PRPH2: variants seen among roughly 807,000 people sequenced by gnomAD.
PRPH2 encodes the protein peripherin 2.
Under a neutral mutation model 31.3 loss-of-function variants are expected in PRPH2, and 17 were observed. The ratio of observed to expected loss-of-function variants is 0.54; its 90% CI spans 0.37 to 0.81. The LOEUF is 0.81. PRPH2 is among the 40% of genes least tolerant of loss of function. PRPH2 has a pLI of 0.00. For missense variants in PRPH2, 430 were observed against 439.7 expected, an observed-to-expected ratio of 0.98 and a Z score of 0.20; for synonymous variants, 165 against 184.4, an observed-to-expected ratio of 0.89 and a Z score of 0.85.
chr6:42,715,980 A>G (rs1001911411), intron 1 of PRPH2, among the ~76,000 whole-genome samples: 1 of 152,208 alleles, frequency 6.6e-6, no homozygotes, highest in African/African-American at 2.4e-5. Flanking sequence ...GAGGACCTCA[A>G]CTTTCTCTAG....
intron 1 of PRPH2, among the ~76,000 whole-genome samples, chr6:42,716,961 T>TA (rs1761798227): frequency 2.1e-5 from 2 of 93,562 alleles, no homozygotes; most frequent in Admixed American, 1.3e-4. Context: ...TTCTTTCTTT[T>TA]CTTTTTTTTT....
intron 1 of PRPH2, among the ~76,000 whole-genome samples, chr6:42,720,707 GA>G (rs1163716624): frequency 4.6e-5 from 7 of 151,180 alleles, no homozygotes; most frequent in Non-Finnish European, 7.4e-5. Flanking sequence ...TCACTGGGAA[GA>G]AAAAAAAACC....
chr6:42,704,391 C>G lies in PRPH2; in HGVS notation c.802G>C (p.Val268Leu), dbSNP rs62645936. The G allele has an allele frequency of 4.3e-6, 7 of 1,609,430 alleles. No individual in the cohort carries two copies. In the Admixed American group the frequency reaches 5.1e-5, roughly 12 times the overall value. ...TCGAAGAGCCAAATGAGGAGCGTGA[C>G]GACACCCATGGAGTTCATGAGGCTG... ...YSSLMNSMGV[V>L]TLLIWLFEVT... The change falls in exon 2 of 3, where the codon GTC (valine) becomes CTC (leucine). Residue 268 changes from valine (V) to leucine (L), a missense_variant. Val to Leu is a conservative substitution (Grantham distance 32). Transcript: ENST00000230381.
intron 1 of PRPH2, among the ~76,000 whole-genome samples, chr6:42,714,557 C>T (rs1295108421): frequency 6.6e-6 from 1 of 152,178 alleles, no homozygotes; most frequent in Non-Finnish European, 1.5e-5. Flanking sequence ...CACTCTGCTG[C>T]CCAGGCTGGA....
intron 1 of PRPH2, among the ~76,000 whole-genome samples, chr6:42,708,265 G>A (rs1330059623): frequency 6.6e-6 from 1 of 152,192 alleles, no homozygotes; most frequent in Non-Finnish European, 1.5e-5. Context: ...AGGATCGTGC[G>A]GGCCACCCTC....
Position 42,704,564 on chromosome 6 carries a change from G to C in PRPH2, c.629C>G (p.Pro210Arg), listed in dbSNP as rs61755798. Reference protein sequence around the residue: ...VDGRYLVDGVPFSCCNPSSPR... With the variant: ...VDGRYLVDGVRFSCCNPSSPR... ...CGAGCTAGGATTGCAGCAGCTGAAA[G>C]GGACGCCGTCCACCAGGTACCGCCC... Residue 210 changes from proline to arginine, a missense_variant, in exon 2 of 3, where the codon CCT becomes CGT. By Grantham distance (103) the Pro-to-Arg change is moderately radical. Transcript: ENST00000230381. 1.2e-6 allele frequency: 2 copies of C among 1,614,186 alleles called. No individual in the cohort carries two copies. Among genetic ancestry groups the C allele is most frequent in the Non-Finnish European group, 1.7e-6 (2 of 1,180,034 alleles).
chr6:42,702,384 G>A (rs1221367620), intron 2 of PRPH2, among the ~76,000 whole-genome samples: 2 of 151,840 alleles, frequency 1.3e-5, no homozygotes, highest in African/African-American at 4.8e-5. Flanking sequence ...GAATCTTTGG[G>A]AATCTCCTCA....
chr6:42,705,283 A>G (rs1800133009), intron 1 of PRPH2, among the ~76,000 whole-genome samples: 1 of 152,062 alleles, frequency 6.6e-6, no homozygotes, highest in Admixed American at 6.6e-5. Context: ...CGCTTACCAT[A>G]CATTCACACA....
Position 42,704,349 on chromosome 6 carries a change from C to G in PRPH2, c.828+16G>C. 1 of 1,604,856 alleles carries G rather than the reference C, an allele frequency of 6.2e-7. No individual in the cohort carries two copies. Among genetic ancestry groups the G allele is most frequent in the Non-Finnish European group, 8.5e-7 (1 of 1,175,824 alleles). On this transcript the variant is annotated intron_variant, in intron 2 of 2. Transcript: ENST00000230381. The stretch of plus-strand genomic sequence containing the variant: ...GGCTCTCCTTACCCTCTACCCCCAG[C>G]TGGCCCAGGGCCTACCTCGAAGAGC...
chr6:42,698,180 TA>T lies in PRPH2; in HGVS notation c.*114del. On this transcript the variant is annotated 3_prime_UTR_variant, in exon 3 of 3. Coordinates refer to ENST00000230381, the MANE Select transcript of PRPH2 (RefSeq NM_000322.5). ...ATTCCACCGTCAGGGAGAGTCTCTG[TA>T]AGATGGTGCCCTCCTTGGGAGATTC... 7.1e-7 allele frequency: 1 copy of T among 1,417,400 alleles called. No homozygotes were observed. Among genetic ancestry groups the T allele is most frequent in the Non-Finnish European group, 9.7e-7 (1 of 1,030,512 alleles). The allele number at this position is 1,417,400 out of a possible 1,614,324, so 87.8% of individuals were successfully genotyped here.
intron 1 of PRPH2, among the ~76,000 whole-genome samples, chr6:42,706,975 CTTT>C (rs34162811): frequency 5.7e-5 from 7 of 123,614 alleles, no homozygotes; most frequent in African/African-American, 9.4e-5. Context: ...TCTTGGAGAT[CTTT>C]TTTTTTTTTT....
intron 1 of PRPH2, among the ~76,000 whole-genome samples, chr6:42,717,337 T>C (rs1761807592): frequency 6.6e-6 from 1 of 151,676 alleles, no homozygotes; most frequent in South Asian, 2.1e-4. Flanking sequence ...GGAGAATCAA[T>C]TGAACCAGGG....
intron 2 of PRPH2, among the ~76,000 whole-genome samples, chr6:42,700,640 A>C (rs1262110677): frequency 8.5e-5 from 13 of 152,228 alleles, no homozygotes; most frequent in Non-Finnish European, 1.9e-4. Flanking sequence ...CTTGATGTGA[A>C]CGCGTCCACT....
intron 2 of PRPH2, 56 bp downstream of exon 2, chr6:42,704,309 C>T (rs903992474): frequency 3.8e-5 from 60 of 1,577,580 alleles, no homozygotes; most frequent in Admixed American, 1.3e-4. Flanking sequence ...CCCATTAGAC[C>T]CAAATGGGAC....
At chr6:42,717,216 C>T (rs1761805536) in intron 1 of PRPH2, among the ~76,000 whole-genome samples, 2 of 151,088 alleles carry the variant, frequency 1.3e-5, no homozygotes, top group Non-Finnish European at 3.0e-5. Context: ...AGTTCAAGAC[C>T]AGCCTGGCCA....
At chr6:42,716,496 A>T (rs1761783281) in intron 1 of PRPH2, among the ~76,000 whole-genome samples, 1 of 151,440 alleles carries the variant, frequency 6.6e-6, no homozygotes, top group African/African-American at 2.4e-5. Context: ...GGCTCACTGC[A>T]GCCTTGACCT....
At chr6:42,705,260 T>C (rs964019995) in intron 1 of PRPH2, among the ~76,000 whole-genome samples, 4 of 152,120 alleles carry the variant, frequency 2.6e-5, no homozygotes, top group Non-Finnish European at 5.9e-5. Context: ...TATTTTTGTG[T>C]GTATTTGTTT....
intron 1 of PRPH2, among the ~76,000 whole-genome samples, chr6:42,704,992 C>T (rs936736721): frequency 1.6e-4 from 24 of 152,224 alleles, no homozygotes; most frequent in African/African-American, 5.8e-4. Flanking sequence ...ATGCCCACAG[C>T]TCCCTCACCA....
chr6:42,711,889 G>A (rs1053745592), intron 1 of PRPH2: 118 of 985,298 alleles, frequency 1.2e-4, no homozygotes, highest in East Asian at 1.0e-3. Context: ...CTGAGCTCCC[G>A]CATGTTCTAC....
Sources: allele counts gnomAD v4.1 joint callset (sites outside exome capture counted in the v4.1 genomes callset), GRCh38; gene constraint gnomAD v4.1.1; transcripts MANE v1.5; gene names NCBI Gene and HGNC (gene_info 2026-07-23, HGNC 2026-07-21).